SLCO3A1: variants seen among roughly 807,000 people sequenced by gnomAD.
SLCO3A1 encodes the protein solute carrier organic anion transporter family member 3A1, also known as PGE1 transporter.
Under a neutral mutation model 63.1 loss-of-function variants are expected in SLCO3A1, and 27 were observed. The observed-to-expected ratio is 0.43, with a 90% CI of 0.32 to 0.59. The LOEUF (loss-of-function observed/expected upper bound fraction) is 0.59. Among genes scored for constraint, SLCO3A1 ranks in the 20% least tolerant of loss-of-function variants. SLCO3A1 has a pLI of 0.09. For synonymous variants in SLCO3A1, 473 were observed against 409.9 expected, an observed-to-expected ratio of 1.15 and a Z score of -1.86; for missense variants, 773 against 945.8, an observed-to-expected ratio of 0.82 and a Z score of 2.40.
chr15:91,906,055 A>G (rs905146559), intron 1 of SLCO3A1, among the ~76,000 whole-genome samples: 3 of 152,138 alleles, frequency 2.0e-5, no homozygotes, highest in African/African-American at 7.2e-5. Context: ...TGGGATAGTT[A>G]TCTTCTCTGG....
At chr15:91,888,406 T>C (rs1897781544) in intron 1 of SLCO3A1, among the ~76,000 whole-genome samples, 1 of 152,184 alleles carries the variant, frequency 6.6e-6, no homozygotes, top group Non-Finnish European at 1.5e-5. Context: ...TTAATTTCAG[T>C]CATGCAATCC....
intron 1 of SLCO3A1, among the ~76,000 whole-genome samples, chr15:91,889,482 C>G (rs8041961): frequency 0.056 from 8,599 of 152,294 alleles, 488 homozygotes; most frequent in African/African-American, 0.13. Flanking sequence ...CCTTATAAAA[C>G]ACTGTGCTTG....
At chr15:92,157,412 A>G (rs2048384307) in intron 9 of SLCO3A1, among the ~76,000 whole-genome samples, 1 of 151,296 alleles carries the variant, frequency 6.6e-6, no homozygotes, top group Non-Finnish European at 1.5e-5. Flanking sequence ...AGAGGACACT[A>G]AAGTACACCT....
intron 2 of SLCO3A1, among the ~76,000 whole-genome samples, chr15:92,064,763 A>G (rs2047129085): frequency 6.6e-6 from 1 of 152,256 alleles, no homozygotes; most frequent in Non-Finnish European, 1.5e-5. Context: ...GAAATAAGCC[A>G]GGCACAAAAA....
At chr15:91,920,753 C>T (rs1237445702) in intron 2 of SLCO3A1, among the ~76,000 whole-genome samples, 1 of 152,108 alleles carries the variant, frequency 6.6e-6, no homozygotes, top group African/African-American at 2.4e-5. Context: ...CTTCCCATAC[C>T]CTGGGTTCTG....
At chr15:91,929,444 G>GA (rs1899145574) in intron 2 of SLCO3A1, among the ~76,000 whole-genome samples, 1 of 152,204 alleles carries the variant, frequency 6.6e-6, no homozygotes, top group Non-Finnish European at 1.5e-5. Flanking sequence ...GGGACCACGT[G>GA]TTCCATGTTG....
At chr15:92,034,599 G>C (rs1006902329) in intron 2 of SLCO3A1, among the ~76,000 whole-genome samples, 1 of 151,778 alleles carries the variant, frequency 6.6e-6, no homozygotes, top group African/African-American at 2.4e-5. Context: ...AGCATCCAGG[G>C]TGGGCAGGAC....
At chr15:92,132,354 T>A (rs8028432) in intron 7 of SLCO3A1, among the ~76,000 whole-genome samples, 1 of 142,286 alleles carries the variant, frequency 7.0e-6, no homozygotes, top group Non-Finnish European at 1.6e-5. Flanking sequence ...TTTTATTTTC[T>A]TATATCTCCT....
intron 2 of SLCO3A1, among the ~76,000 whole-genome samples, chr15:91,927,674 G>T (rs958493298): frequency 6.6e-6 from 1 of 152,168 alleles, no homozygotes; most frequent in African/African-American, 2.4e-5. Context: ...AGCAAGTGGG[G>T]CCAATGGGTG....
At chr15:92,039,225 C>T (rs534100111) in intron 2 of SLCO3A1, among the ~76,000 whole-genome samples, 182 of 152,236 alleles carry the variant, frequency 1.2e-3, no homozygotes, top group African/African-American at 4.3e-3. Context: ...CCAAAATTGA[C>T]AAATGGGATC....
At chr15:92,030,058 A>T (rs933023860) in intron 2 of SLCO3A1, among the ~76,000 whole-genome samples, 1 of 152,106 alleles carries the variant, frequency 6.6e-6, no homozygotes. Context: ...CCCAAAGGGG[A>T]TTGGGCATTT....
chr15:91,926,602 C>CGCGCGCGT (rs1555450195), intron 2 of SLCO3A1, among the ~76,000 whole-genome samples: 81 of 34,916 alleles, frequency 2.3e-3, no homozygotes, highest in African/African-American at 0.014. Flanking sequence ...TGTGTGCGCG[C>CGCGCGCGT]GCGCACGCCC....
At chr15:92,129,652 G>C (rs867354408) in intron 7 of SLCO3A1, among the ~76,000 whole-genome samples, 1 of 152,174 alleles carries the variant, frequency 6.6e-6, no homozygotes, top group Non-Finnish European at 1.5e-5. Context: ...ATAGTGGGAA[G>C]GAAAATATGA....
chr15:91,993,495 A>G (rs1392656882), intron 2 of SLCO3A1, among the ~76,000 whole-genome samples: 1 of 152,228 alleles, frequency 6.6e-6, no homozygotes, highest in Non-Finnish European at 1.5e-5. Context: ...AGCCAAATGG[A>G]ACTTGGTTGG....
chr15:92,154,574 G>A (rs1047617813), intron 9 of SLCO3A1, among the ~76,000 whole-genome samples: 55 of 152,212 alleles, frequency 3.6e-4, no homozygotes, highest in African/African-American at 1.2e-3. Flanking sequence ...AAATGGGATA[G>A]GGGAACAGGA....
At chr15:92,028,908 A>AGTGTGTGTGTGTGTGT (rs61238614) in intron 2 of SLCO3A1, among the ~76,000 whole-genome samples, 20,432 of 119,838 alleles carry the variant, frequency 0.17, 2,418 homozygotes, top group Non-Finnish European at 0.19. Flanking sequence ...TGCAGGCACA[A>AGTGTGTGTGTGTGTGT]GTGTGTGTGT....
At chr15:92,058,480 G>T (rs1191137615) in intron 2 of SLCO3A1, among the ~76,000 whole-genome samples, 3 of 152,110 alleles carry the variant, frequency 2.0e-5, no homozygotes, top group African/African-American at 7.2e-5. Flanking sequence ...AAGATAGGAT[G>T]TTGGGTGTCC....
intron 2 of SLCO3A1, among the ~76,000 whole-genome samples, chr15:92,021,841 G>A (rs947511039): frequency 3.9e-5 from 6 of 152,024 alleles, no homozygotes; most frequent in South Asian, 4.2e-4. Context: ...AGGGACGCCC[G>A]AGGGAGGCTG....
intron 7 of SLCO3A1, among the ~76,000 whole-genome samples, chr15:92,140,600 A>T (rs1023405076): frequency 2.6e-5 from 4 of 152,064 alleles, no homozygotes; most frequent in African/African-American, 9.7e-5. Context: ...CCCATTATTA[A>T]TGTGTGGGAG....
Sources: allele counts gnomAD v4.1 joint callset (sites outside exome capture counted in the v4.1 genomes callset), GRCh38; gene constraint gnomAD v4.1.1; transcripts MANE v1.5; gene names NCBI Gene and HGNC (gene_info 2026-07-23, HGNC 2026-07-21).